The following FGB variants were observed in gnomAD, a reference collection of about 807,000 sequenced individuals.
FGB encodes the protein fibrinogen beta chain.
A neutral mutation model predicts 57.9 loss-of-function variants in FGB; 25 were observed. The observed-to-expected ratio is 0.43, with a 90% confidence interval of 0.31 to 0.60. The LOEUF (loss-of-function observed/expected upper bound fraction) is 0.60. Ranked by LOEUF, FGB falls within the 20% of genes least tolerant of loss-of-function variation. The pLI is 0.08. For synonymous variants in FGB, 203 were observed against 199.2 expected, an observed-to-expected ratio of 1.02 and a Z score of -0.16; for missense variants, 536 against 598.4, an observed-to-expected ratio of 0.90 and a Z score of 1.09.
At position 154,572,266 on chromosome 4, in the gene FGB, T is replaced by A. The variant is rs1560819997; in HGVS notation, c.*1616T>A. 6.6e-6 allele frequency among the ~76,000 whole-genome samples: 1 copy of A among 152,124 alleles called. No homozygotes were observed. The highest frequency in any genetic ancestry group is 2.4e-5 in the African/African-American group (1 of 41,404). ...TTATTGAGATATAATTGATATAATT[T>A]AAAAAATCCTGCACATGTGTCATGC... On this transcript the variant is annotated 3_prime_UTR_variant, in exon 8 of 8. Transcript: ENST00000302068.
intron 3 of FGB, 151 bp from the exon 4 acceptor site, chr4:154,567,442 A>G: frequency 1.6e-6 from 1 of 637,716 alleles, no homozygotes; most frequent in Non-Finnish European, 2.8e-6. Flanking sequence ...GCGCCAAATC[A>G]TTTCCACTAA....
rs121909619 is a variant in FGB at position 154,565,913 on chromosome 4, C to T, written c.220C>T (p.Arg74Cys). 3.7e-6 allele frequency: 6 copies of T among 1,613,922 alleles called. No individual in the cohort carries two copies. The highest frequency in any genetic ancestry group is 2.2e-5 in the East Asian group (1 of 44,882). Residue 74 changes from arginine (R) to cysteine (C), a missense_variant, in exon 2 of 8, where the codon CGT becomes TGT. Arg to Cys is a radical substitution (Grantham distance 180). Around this residue, in one of 3 missense-constraint regions of FGB, gnomAD observed 354 missense variants for 383.4 expected, o/e 0.92. Transcript: ENST00000302068. ...CATCAGTGGAGGTGGCTATCGGGCT[C>T]GTCCAGCCAAAGCAGCTGCCACTCA... ...PPISGGGYRARPAKAAATQKK... is the reference protein window; with the variant it reads ...PPISGGGYRACPAKAAATQKK...
intron 4 of FGB, 47 bp downstream of exon 4, chr4:154,567,867 C>T (rs1365791121): frequency 1.5e-6 from 2 of 1,341,358 alleles, no homozygotes; most frequent in African/African-American, 1.4e-5. Flanking sequence ...GAAGAACTCA[C>T]ACACCAAAAA....
At chr4:154,565,774 ACT>A in intron 1 of FGB, 32 bp from the exon 2 acceptor site, 5 of 1,596,438 alleles carry the variant, frequency 3.1e-6, no homozygotes, top group Non-Finnish European at 4.3e-6. Flanking sequence ...CTTCTATAAC[ACT>A]CTGTATTATA....
Position 154,567,909 on chromosome 4 carries a change from A to G in FGB, c.718+89A>G, listed in dbSNP as rs1002398971. 1.9e-5 allele frequency: 19 copies of G among 981,744 alleles called. No individual in the cohort carries two copies. The African/African-American group carries it at 3.0e-4, about 16-fold the overall frequency. The allele number at this position is 981,744 out of a possible 1,614,324, so 60.8% of individuals were successfully genotyped here. ...AACAACAACAACAACAAAAATGCTA[A>G]GTGGATTTTCCCAACAGATCATAAT... On this transcript the variant is annotated intron_variant, in intron 4 of 7. Coordinates refer to ENST00000302068, the MANE Select transcript of FGB (RefSeq NM_005141.5).
rs1730056910 is a variant in FGB, at chr4:154,564,102, A to C, written c.114+970A>C. Among the ~76,000 whole-genome samples the C allele has an allele frequency of 3.9e-5, 6 of 151,928 alleles. No homozygotes were observed. The South Asian group carries it at 1.2e-3, about 31-fold the overall frequency. ...AATCATATTAGGTAAGAAAAATGTA[A>C]AGAATGTGTAAGACGAAATTTTTGT... is the stretch of plus-strand genomic sequence containing the variant. On this transcript the variant is annotated intron_variant, in intron 1 of 7. Coordinates refer to ENST00000302068, the MANE Select transcript of FGB (RefSeq NM_005141.5).
rs150838423 is a variant in FGB at position 154,567,705 on chromosome 4, C to A, written c.603C>A (p.Ile201=). ...CTAACCTTCGTGTGCTTCGTTCAATCCTGGAAAACCTGAGAAGCAAAATAC... is the reference window on the plus strand; with the variant it reads ...CTAACCTTCGTGTGCTTCGTTCAATACTGGAAAACCTGAGAAGCAAAATAC... ...IPTNLRVLRS[I]LENLRSKIQK... The change falls in exon 4 of 8, where the codon ATC becomes ATA. Residue 201 remains isoleucine (I), a synonymous_variant. Transcript: ENST00000302068. 1.2e-6 allele frequency: 2 copies of A among 1,613,694 alleles called. No individual in the cohort carries two copies. Among genetic ancestry groups the A allele is most frequent in the African/African-American group, 2.7e-5 (2 of 74,874 alleles).
Position 154,566,685 on chromosome 4 carries a change from G to T in FGB, c.490+13G>T. On this transcript the variant is annotated intron_variant, in intron 3 of 7. Transcript: ENST00000302068. ...AAGCAAGTAAAAGGTAGATATCCTT[G>T]TGCTTTCCATTCGATTTTCAGCTAT... The T allele has an allele frequency of 1.2e-6, 2 of 1,613,056 alleles. No homozygotes were observed. Among genetic ancestry groups the T allele is most frequent in the Non-Finnish European group, 8.5e-7 (1 of 1,179,300 alleles).
chr4:154,569,347 A>T (rs1275388332), intron 6 of FGB, 40 bp downstream of exon 6: 1 of 1,613,278 alleles, frequency 6.2e-7, no homozygotes. Context: ...TTCTATTTGA[A>T]ATGGGATTTT....
Position 154,570,766 on chromosome 4 carries a change from T to C in FGB, c.*116T>C. 2.5e-6 allele frequency: 2 copies of C among 792,018 alleles called. No homozygotes were observed. The highest frequency in any genetic ancestry group is 2.0e-5 in the Admixed American group (1 of 49,646). 49.1% of individuals were successfully genotyped at this position (792,018 alleles called of 1,614,324 possible). On this transcript the variant is annotated 3_prime_UTR_variant, in exon 8 of 8. Coordinates refer to ENST00000302068, the MANE Select transcript of FGB (RefSeq NM_005141.5). The stretch of plus-strand genomic sequence containing the variant: ...TAAAACTCTCAAGCAGACGTGAGTG[T>C]GACTTTTTGAAAAAAGTATAGGATA...
chr4:154,563,998 T>C (rs997441127), intron 1 of FGB, among the ~76,000 whole-genome samples: 22 of 152,110 alleles, frequency 1.4e-4, no homozygotes, highest in Admixed American at 3.9e-4. Context: ...GTTGTACTTA[T>C]CAGACTCTAC....
chr4:154,563,218 A>G, intron 1 of FGB, 86 bp downstream of exon 1: 1 of 649,272 alleles, frequency 1.5e-6, no homozygotes, highest in South Asian at 1.9e-5. Flanking sequence ...TATTTTAATG[A>G]AATTAGCATT....
In FGB at chr4:154,572,722, T is replaced by C. The variant is rs763512099; in HGVS notation, c.*2072T>C. Among the ~76,000 whole-genome samples the C allele has an allele frequency of 1.3e-5, 2 of 152,182 alleles. No homozygotes were observed. Among genetic ancestry groups the C allele is most frequent in the Non-Finnish European group, 2.9e-5 (2 of 68,040 alleles). On this transcript the variant is annotated 3_prime_UTR_variant, in exon 8 of 8. Coordinates refer to ENST00000302068, the MANE Select transcript of FGB (RefSeq NM_005141.5). ...TCTGTCATACAAAGTGTTTAACATA[T>C]ACGATTTCATGATTTTGGAAATATG...
At chr4:154,565,673 A>T (rs1357277665) in intron 1 of FGB, 135 bp from the exon 2 acceptor site, 1 of 872,580 alleles carries the variant, frequency 1.1e-6, no homozygotes, top group East Asian at 2.7e-5. Context: ...CACTATCACC[A>T]ACCAGCCAGT....
At chr4:154,568,621 T>C in intron 5 of FGB, 127 bp downstream of exon 5, 1 of 701,546 alleles carries the variant, frequency 1.4e-6, no homozygotes. Flanking sequence ...CAAAGTGGGC[T>C]GATAGCTTGA....
Position 154,569,620 on chromosome 4 carries a change from C to G in FGB, c.1065C>G (p.His355Gln). Residue 355 changes from histidine to glutamine, a missense_variant, in exon 7 of 8, where the codon CAC becomes CAG. By Grantham distance (24) the His-to-Gln change is conservative. Coordinates refer to ENST00000302068, the MANE Select transcript of FGB (RefSeq NM_005141.5). Reference sequence around the variant, plus strand: ...GGAAAGGAGACAAAGTAAAGGCTCACTATGGAGGATTCACTGTACAGAATG... The same window carrying G: ...GGAAAGGAGACAAAGTAAAGGCTCAGTATGGAGGATTCACTGTACAGAATG... ...EDWKGDKVKA[H>Q]YGGFTVQNEA... 1.2e-6 allele frequency: 2 copies of G among 1,614,076 alleles called. No homozygotes were observed. The highest frequency in any genetic ancestry group is 1.7e-6 in the Non-Finnish European group (2 of 1,179,988).
chr4:154,566,493 T>G lies in FGB; in HGVS notation c.311T>G (p.Val104Gly). 1 of 1,614,014 alleles carries G rather than the reference T, an allele frequency of 6.2e-7. No individual in the cohort carries two copies. Among genetic ancestry groups the G allele is most frequent in the Non-Finnish European group, 8.5e-7 (1 of 1,179,964 alleles). Residue 104 changes from valine to glycine, a missense_variant, in exon 3 of 8, where the codon GTG becomes GGG. Val to Gly is a moderately radical substitution (Grantham distance 109). This residue lies in a region of FGB where 354 missense variants were observed against 383.4 expected (regional missense o/e 0.92). Transcript: ENST00000302068. Reference protein sequence around the residue: ...GCLHADPDLGVLCPTGCQLQE... With the variant: ...GCLHADPDLGGLCPTGCQLQE... Reference sequence around the variant, plus strand: ...TGCTATTTTCTTTGTTTTTAGGGGGTGTTGTGTCCTACAGGATGTCAGTTG... The same window carrying G: ...TGCTATTTTCTTTGTTTTTAGGGGGGGTTGTGTCCTACAGGATGTCAGTTG...
At chr4:154,569,847 A>G in intron 7 of FGB, 48 bp downstream of exon 7, 1 of 1,596,296 alleles carries the variant, frequency 6.3e-7, no homozygotes, top group South Asian at 1.1e-5. Context: ...CACTAATATC[A>G]TTACTCAGAA....
rs530159628 is a variant in FGB at position 154,565,679 on chromosome 4, C to A, written c.115-129C>A. The A allele has an allele frequency of 3.1e-5, 28 of 913,522 alleles. 1 individual carries two copies. The Middle Eastern group carries it at 1.6e-3, about 51-fold the overall frequency. The allele number at this position is 913,522 out of a possible 1,614,324, so 56.6% of individuals were successfully genotyped here. On this transcript the variant is annotated intron_variant, in intron 1 of 7. Transcript: ENST00000302068. ...CTACAGATTCACTATCACCAACCAGCCAGTTGATGGATCTTAAGCAAATTA... is the reference window on the plus strand; with the variant it reads ...CTACAGATTCACTATCACCAACCAGACAGTTGATGGATCTTAAGCAAATTA...
Sources: allele counts gnomAD v4.1 joint callset (sites outside exome capture counted in the v4.1 genomes callset), GRCh38; gene constraint gnomAD v4.1.1; regional missense constraint gnomAD v4.1.1; transcripts MANE v1.5; gene names NCBI Gene and HGNC (gene_info 2026-07-23, HGNC 2026-07-21).